CNTNAP2: variants seen among roughly 807,000 people sequenced by gnomAD.
The protein encoded by CNTNAP2 is contactin associated protein 2.
In CNTNAP2, 98 loss-of-function variants were observed where a neutral mutation model predicts 155.2. The observed-to-expected ratio is 0.63, with a 90% confidence interval of 0.54 to 0.75. The LOEUF is 0.75. Among genes scored for constraint, CNTNAP2 ranks in the 30% least tolerant of loss-of-function variants. CNTNAP2 has a pLI of 0.00. For missense variants in CNTNAP2, 1,727 were observed against 1,688.1 expected (o/e 1.02, Z -0.40); for synonymous variants, 651 against 631.2 (o/e 1.03, Z -0.47).
rs113577692 is a variant in CNTNAP2 at position 147,271,786 on chromosome 7, T to C, written c.1349-28355T>C. 4.4e-3 allele frequency among the ~76,000 whole-genome samples: 675 copies of C among 152,298 alleles called. 13 individuals carry two copies. Among genetic ancestry groups the C allele is most frequent in the African/African-American group, 0.015 (630 of 41,576 alleles). On this transcript the variant is annotated intron_variant, in intron 8 of 23. Transcript: ENST00000361727. Reference sequence around the variant, plus strand: ...GCGATCTCCTACCGGGTGCCTCCTATAACACTTGGAATTTTGGGAGCTACA... The same window carrying C: ...GCGATCTCCTACCGGGTGCCTCCTACAACACTTGGAATTTTGGGAGCTACA...
intron 13 of CNTNAP2, among the ~76,000 whole-genome samples, chr7:147,886,117 C>A (rs924536092): frequency 6.6e-6 from 1 of 152,152 alleles, no homozygotes; most frequent in African/African-American, 2.4e-5. Flanking sequence ...CCATGTGCCC[C>A]ATTCCACAGA....
At chr7:147,482,288 G>A (rs1206536032) in intron 10 of CNTNAP2, among the ~76,000 whole-genome samples, 5 of 151,884 alleles carry the variant, frequency 3.3e-5, no homozygotes, top group Non-Finnish European at 5.9e-5. Flanking sequence ...CTTGGTAACT[G>A]GTCCTAACTT....
chr7:147,910,107 T>G (rs1389545944), intron 14 of CNTNAP2, among the ~76,000 whole-genome samples: 2 of 152,208 alleles, frequency 1.3e-5, no homozygotes, highest in Non-Finnish European at 2.9e-5. Flanking sequence ...ATTTATTTGG[T>G]TGGGTCAGCT....
intron 4 of CNTNAP2, among the ~76,000 whole-genome samples, chr7:147,094,931 G>C (rs566771025): frequency 2.6e-5 from 4 of 152,224 alleles, no homozygotes; most frequent in Admixed American, 2.6e-4. Context: ...AAGAGATTTG[G>C]TATCTGATGA....
chr7:146,212,983 AAGTCTAAAG>A (rs1799059195), intron 1 of CNTNAP2, among the ~76,000 whole-genome samples: 1 of 152,140 alleles, frequency 6.6e-6, no homozygotes, highest in Non-Finnish European at 1.5e-5. Flanking sequence ...TTCAGTCTGA[AAGTCTAAAG>A]TGCTCTCAAC....
At chr7:148,355,839 C>T (rs1031649558) in intron 21 of CNTNAP2, among the ~76,000 whole-genome samples, 4 of 152,202 alleles carry the variant, frequency 2.6e-5, no homozygotes, top group African/African-American at 7.2e-5. Flanking sequence ...AAAGCCACAT[C>T]ATGTGCTTTA....
At chr7:147,747,282 C>T (rs757106559) in intron 13 of CNTNAP2, among the ~76,000 whole-genome samples, 13 of 152,156 alleles carry the variant, frequency 8.5e-5, no homozygotes, top group Non-Finnish European at 1.5e-4. Flanking sequence ...CAGTCCTTTC[C>T]TTCCACTCTC....
intron 16 of CNTNAP2, among the ~76,000 whole-genome samples, chr7:148,125,637 ATC>A (rs1244245261): frequency 6.8e-6 from 1 of 146,016 alleles, no homozygotes; most frequent in African/African-American, 2.6e-5. Flanking sequence ...GAGACTAGTA[ATC>A]TCTGTTATTA....
intron 13 of CNTNAP2, among the ~76,000 whole-genome samples, chr7:147,757,244 CT>C (rs575663420): frequency 8.5e-4 from 129 of 152,314 alleles, no homozygotes; most frequent in Non-Finnish European, 1.6e-3. Context: ...CCACTCCTAA[CT>C]CTTTGCTTGC....
At chr7:147,098,458 T>C (rs1800589531) in intron 4 of CNTNAP2, among the ~76,000 whole-genome samples, 1 of 152,224 alleles carries the variant, frequency 6.6e-6, no homozygotes, top group African/African-American at 2.4e-5. Flanking sequence ...TGTTTGTTTT[T>C]TAACTCACCC....
intron 1 of CNTNAP2, among the ~76,000 whole-genome samples, chr7:146,379,562 T>C (rs1463303451): frequency 6.6e-6 from 1 of 152,162 alleles, no homozygotes; most frequent in Non-Finnish European, 1.5e-5. Flanking sequence ...AATTTGGCAA[T>C]AGGTAACGCT....
intron 9 of CNTNAP2, among the ~76,000 whole-genome samples, chr7:147,365,503 TAATA>T (rs896941496): frequency 2.0e-5 from 3 of 151,998 alleles, no homozygotes; most frequent in African/African-American, 7.2e-5. Flanking sequence ...TTGAATTAAT[TAATA>T]AATATTTTCT....
intron 1 of CNTNAP2, 71 bp from the exon 2 acceptor site, chr7:146,774,200 C>G (rs1802347182): frequency 1.8e-6 from 2 of 1,083,432 alleles, no homozygotes; most frequent in East Asian, 2.5e-5. Context: ...GATTTTTTAA[C>G]CAACACATAC....
At chr7:146,970,201 T>C (rs564539878) in intron 3 of CNTNAP2, among the ~76,000 whole-genome samples, 3 of 152,102 alleles carry the variant, frequency 2.0e-5, no homozygotes, top group Admixed American at 1.3e-4. Flanking sequence ...AAAGACAAAA[T>C]TGACAAATGG....
At chr7:146,948,029 A>T (rs919133298) in intron 3 of CNTNAP2, among the ~76,000 whole-genome samples, 1 of 152,104 alleles carries the variant, frequency 6.6e-6, no homozygotes, top group Non-Finnish European at 1.5e-5. Flanking sequence ...GTTTTATGTT[A>T]CCTTTGTTGA....
chr7:146,339,038 A>C (rs1184087226), intron 1 of CNTNAP2, among the ~76,000 whole-genome samples: 1 of 152,074 alleles, frequency 6.6e-6, no homozygotes, highest in Non-Finnish European at 1.5e-5. Flanking sequence ...TACAAAAATT[A>C]GCTGGGCGTG....
chr7:146,163,493 C>CTATATCTATATATCTATATATATCTATA (rs1562973096), intron 1 of CNTNAP2, among the ~76,000 whole-genome samples: 7 of 127,316 alleles, frequency 5.5e-5, no homozygotes, highest in African/African-American at 8.8e-5. Context: ...CTATCTATAT[C>CTATATCTATATATCTATATATATCTATA]TATATCTATA....
intron 21 of CNTNAP2, among the ~76,000 whole-genome samples, chr7:148,306,661 C>G (rs1354689816): frequency 6.6e-6 from 1 of 151,966 alleles, no homozygotes; most frequent in Non-Finnish European, 1.5e-5. Context: ...TTCATGAAAG[C>G]AATATGTTAT....
chr7:146,468,554 T>C (rs903419826), intron 1 of CNTNAP2, among the ~76,000 whole-genome samples: 7 of 152,224 alleles, frequency 4.6e-5, no homozygotes, highest in Non-Finnish European at 1.0e-4. Context: ...GAGATTGAAC[T>C]GACTCTGATA....
Sources: allele counts gnomAD v4.1 joint callset (sites outside exome capture counted in the v4.1 genomes callset), GRCh38; gene constraint gnomAD v4.1.1; transcripts MANE v1.5; gene names NCBI Gene and HGNC (gene_info 2026-07-23, HGNC 2026-07-21).